Variants in PTCHD4 observed in about 807,000 individuals in gnomAD.
PTCHD4 encodes the protein patched domain-containing protein 4.
PTCHD4 carries 33 observed loss-of-function variants against 58.1 expected under a neutral mutation model. That is an observed-to-expected ratio of 0.57 (90% CI 0.43 to 0.76). PTCHD4 has a LOEUF of 0.76. Among genes scored for constraint, PTCHD4 ranks in the 30% least tolerant of loss-of-function variants. The pLI is 0.00. For missense variants in PTCHD4, 1,058 were observed against 1,027.1 expected (o/e 1.03, Z -0.41); for synonymous variants, 478 against 409.6 (o/e 1.17, Z -2.02).
intron 4 of PTCHD4, among the ~76,000 whole-genome samples, chr6:47,957,666 T>C (rs1356718990): frequency 6.6e-6 from 1 of 151,400 alleles, no homozygotes; most frequent in Non-Finnish European, 1.5e-5. Context: ...AGTGACGCAA[T>C]CTTGGCTCTC....
intron 4 of PTCHD4, among the ~76,000 whole-genome samples, chr6:47,904,203 G>T (rs1764804230): frequency 6.6e-6 from 1 of 152,252 alleles, no homozygotes; most frequent in African/African-American, 2.4e-5. Flanking sequence ...GATCACCTTG[G>T]TTGCCATCAT....
In PTCHD4 at chr6:48,085,792, C is replaced by A. The variant is rs1466061407; in HGVS notation, c.-969-15866G>T. 2.0e-5 allele frequency among the ~76,000 whole-genome samples: 3 copies of A among 152,052 alleles called. No individual in the cohort carries two copies. The East Asian group carries it at 5.8e-4, about 29-fold the overall frequency. ...CTGTCATGATAAGATATTCCATTTACAATTTTCTATTTTTTTCAGATTGCT... is the reference window on the plus strand; with the variant it reads ...CTGTCATGATAAGATATTCCATTTAAAATTTTCTATTTTTTTCAGATTGCT... On this transcript the variant is annotated intron_variant, in intron 1 of 4. Coordinates refer to ENST00000339488, the MANE Select transcript of PTCHD4 (RefSeq NM_001384253.1).
rs1403313998 is a variant in PTCHD4, at chr6:47,868,642, A to G, written c.*9661T>C. On this transcript the variant is annotated 3_prime_UTR_variant, in exon 5 of 5. Transcript: ENST00000339488. ...GAGAATTTCAACTTGAAGCACATAT[A>G]AATGACAATAAATAGTACTTTTGCA... 6.6e-6 allele frequency among the ~76,000 whole-genome samples: 1 copy of G among 151,858 alleles called. No individual in the cohort carries two copies. Among genetic ancestry groups the G allele is most frequent in the African/African-American group, 2.4e-5 (1 of 41,414 alleles).
At chr6:47,931,949 C>T (rs1370062040) in intron 4 of PTCHD4, among the ~76,000 whole-genome samples, 3 of 152,146 alleles carry the variant, frequency 2.0e-5, no homozygotes, top group Non-Finnish European at 4.4e-5. Context: ...GACTAAAGGG[C>T]TTCCTTCTCT....
At chr6:47,959,679 T>C (rs717196) in intron 4 of PTCHD4, among the ~76,000 whole-genome samples, 6,323 of 152,022 alleles carry the variant, frequency 0.042, 242 homozygotes, top group African/African-American at 0.1. Flanking sequence ...GGACATATTA[T>C]ATACATAGAA....
rs117909210 is a variant in PTCHD4 at position 48,012,512 on chromosome 6, T to A, written c.418-3398A>T. On this transcript the variant is annotated intron_variant, in intron 3 of 4. Coordinates refer to ENST00000339488, the MANE Select transcript of PTCHD4 (RefSeq NM_001384253.1). ...ATTTTCTAAATGTACAATAATGCCA[T>A]CTGCAAACAGAAACGATTTGACTTC... 1.9e-3 allele frequency among the ~76,000 whole-genome samples: 296 copies of A among 152,346 alleles called. 8 individuals are homozygous for A. In the East Asian group the frequency reaches 0.051, roughly 26 times the overall value.
intron 4 of PTCHD4, among the ~76,000 whole-genome samples, chr6:47,957,703 C>T (rs978553657): frequency 1.3e-5 from 2 of 151,584 alleles, no homozygotes; most frequent in Admixed American, 6.6e-5. Flanking sequence ...CGGGTTCACG[C>T]CATTCTTCTG....
intron 3 of PTCHD4, among the ~76,000 whole-genome samples, chr6:48,055,684 A>G (rs1382893989): frequency 6.6e-6 from 1 of 152,240 alleles, no homozygotes; most frequent in Non-Finnish European, 1.5e-5. Context: ...TCAGAGACGT[A>G]TGCTCTATCT....
chr6:48,098,344 T>TC (rs1172430988), intron 1 of PTCHD4, among the ~76,000 whole-genome samples: 9,786 of 129,222 alleles, frequency 0.076, 500 homozygotes, highest in African/African-American at 0.14. Context: ...TTCTTCTTCT[T>TC]TTTTTTTTTT....
At chr6:48,018,544 T>C (rs1263613700) in intron 3 of PTCHD4, among the ~76,000 whole-genome samples, 1 of 152,146 alleles carries the variant, frequency 6.6e-6, no homozygotes, top group Non-Finnish European at 1.5e-5. Flanking sequence ...CTGGAGAGAG[T>C]TCTTCTCAAA....
Position 47,866,731 on chromosome 6 carries a change from TTAAC to T in PTCHD4, c.*11568_*11571del, listed in dbSNP as rs770384649. Among the ~76,000 whole-genome samples, 20 of 151,876 alleles carry T rather than the reference TTAAC, an allele frequency of 1.3e-4. No homozygotes were observed. Among genetic ancestry groups the T allele is most frequent in the Non-Finnish European group, 2.2e-4 (15 of 67,876 alleles). On this transcript the variant is annotated 3_prime_UTR_variant, in exon 5 of 5. Coordinates refer to ENST00000339488, the MANE Select transcript of PTCHD4 (RefSeq NM_001384253.1). ...GAGCACCACTATTATAATTAAAACT[TTAAC>T]TATTAAAAAGGACAAGGGTAATGTA...
At chr6:48,090,632 G>T (rs1765347280) in intron 1 of PTCHD4, among the ~76,000 whole-genome samples, 1 of 152,086 alleles carries the variant, frequency 6.6e-6, no homozygotes, top group African/African-American at 2.4e-5. Flanking sequence ...AGAAAACCAG[G>T]GTATAAAGGG....
rs375275694 is a variant in PTCHD4 at position 47,880,026 on chromosome 6, A to G, written c.899-90T>C. 7.8e-5 allele frequency: 79 copies of G among 1,006,614 alleles called. No homozygotes were observed. In the South Asian group the frequency reaches 1.5e-3, roughly 19 times the overall value. The allele number at this position is 1,006,614 out of a possible 1,614,324, so 62.4% of individuals were successfully genotyped here. Reference sequence around the variant, plus strand: ...TTATAGTTTATCTATGCTAAATGGCACTTTATACTCTAATCTTCAAAGGGC... The same window carrying G: ...TTATAGTTTATCTATGCTAAATGGCGCTTTATACTCTAATCTTCAAAGGGC... On this transcript the variant is annotated intron_variant, in intron 4 of 4. Transcript: ENST00000339488.
chr6:47,962,192 C>A (rs1371092099), intron 4 of PTCHD4, among the ~76,000 whole-genome samples: 1 of 151,916 alleles, frequency 6.6e-6, no homozygotes, highest in East Asian at 1.9e-4. Context: ...AAAATTTATA[C>A]CACAAAAAAA....
intron 4 of PTCHD4, among the ~76,000 whole-genome samples, chr6:47,935,470 C>T (rs1485307882): frequency 1.3e-5 from 2 of 152,152 alleles, no homozygotes; most frequent in African/African-American, 2.4e-5. Context: ...GCCAGTTCTC[C>T]TTTACATCAC....
chr6:48,031,759 G>T (rs1763451553), intron 3 of PTCHD4, among the ~76,000 whole-genome samples: 1 of 152,096 alleles, frequency 6.6e-6, no homozygotes, highest in African/African-American at 2.4e-5. Context: ...TTAAGCAGAG[G>T]AGAAATTCTA....
chr6:48,020,438 A>G (rs17716797), intron 3 of PTCHD4, among the ~76,000 whole-genome samples: 5,430 of 152,118 alleles, frequency 0.036, 134 homozygotes, highest in South Asian at 0.054. Context: ...CATTCTAATG[A>G]TTCTCATAAA....
intron 3 of PTCHD4, among the ~76,000 whole-genome samples, chr6:48,056,839 G>C (rs1037889793): frequency 6.6e-6 from 1 of 152,188 alleles, no homozygotes; most frequent in Non-Finnish European, 1.5e-5. Flanking sequence ...TGGTGACCAT[G>C]TGACACTGAA....
At chr6:48,079,214 T>A (rs1167801523) in intron 1 of PTCHD4, among the ~76,000 whole-genome samples, 1 of 152,162 alleles carries the variant, frequency 6.6e-6, no homozygotes, top group African/African-American at 2.4e-5. Context: ...TTTGGTGATG[T>A]TACTGTACCC....
Sources: allele counts gnomAD v4.1 joint callset (sites outside exome capture counted in the v4.1 genomes callset), GRCh38; gene constraint gnomAD v4.1.1; transcripts MANE v1.5; gene names NCBI Gene and HGNC (gene_info 2026-07-23, HGNC 2026-07-21).